Variants in SPATS1 observed in about 807,000 individuals in gnomAD.
SPATS1 encodes spermatogenesis associated serine rich 1, also known as spermatogenesis-associated serine-rich protein 1.
SPATS1 carries 23 observed loss-of-function variants against 33.6 expected under a neutral mutation model. The observed-to-expected ratio is 0.68, with a 90% CI of 0.49 to 0.97. The LOEUF is 0.97. SPATS1 is among the 50% of genes least tolerant of loss of function. The pLI, the probability that SPATS1 is intolerant of heterozygous loss-of-function variation, is 0.00. For synonymous variants in SPATS1, 131 were observed against 125.6 expected (o/e 1.04, Z -0.29); for missense variants, 327 against 361.0 (o/e 0.91, Z 0.76).
At chr6:44,369,825 T>C (rs1194603508) in intron 6 of SPATS1, among the ~76,000 whole-genome samples, 2 of 152,044 alleles carry the variant, frequency 1.3e-5, no homozygotes, top group Non-Finnish European at 2.9e-5. Flanking sequence ...TGAGCTGAGA[T>C]TGTGCCACTG....
Position 44,378,085 on chromosome 6 carries a change from C to T in SPATS1, c.*1022C>T, listed in dbSNP as rs1790052530. On this transcript the variant is annotated 3_prime_UTR_variant, in exon 9 of 9. Transcript: ENST00000674044. ...TATACCAGGTAAGTAATACTATTGC[C>T]CTGTAGCTGCATTCCCCAGTTTAGT... is the stretch of plus-strand genomic sequence containing the variant. The T allele has an allele frequency of 1.3e-5, 2 of 152,128 alleles. No individual in the cohort carries two copies. The highest frequency in any genetic ancestry group is 4.1e-4 in the South Asian group (2 of 4,828). The allele number at this position is 152,128 out of a possible 1,614,324, so 9.4% of individuals were successfully genotyped here. A position where few individuals can be genotyped will look rare whatever the true frequency, so the allele number is the denominator to read the frequency against.
At position 44,370,835 on chromosome 6, in the gene SPATS1, T is replaced by C. The variant is rs138946626; in HGVS notation, c.758+722T>C. On this transcript the variant is annotated intron_variant, in intron 7 of 8. Transcript: ENST00000674044. ...ACTTTACATTTTTAATAAACACTAT[T>C]CTAGAATATTCCAAATAATAGCAAT... Among the ~76,000 whole-genome samples, 105 of 152,326 alleles carry C rather than the reference T, an allele frequency of 6.9e-4. No individual in the cohort carries two copies. The Middle Eastern group carries it at 0.01, about 15-fold the overall frequency.
intron 2 of SPATS1, among the ~76,000 whole-genome samples, chr6:44,346,124 TACA>T (rs1787865781): frequency 6.6e-6 from 1 of 151,706 alleles, no homozygotes; most frequent in Non-Finnish European, 1.5e-5. Flanking sequence ...CTACAAAAAA[TACA>T]ACAACAACAA....
chr6:44,350,032 C>T (rs553139998), intron 2 of SPATS1, among the ~76,000 whole-genome samples: 135 of 152,326 alleles, frequency 8.9e-4, no homozygotes, highest in Non-Finnish European at 1.6e-3. Flanking sequence ...CTGGGCTTGA[C>T]TCCATCCCAG....
intron 3 of SPATS1, among the ~76,000 whole-genome samples, chr6:44,353,552 A>T (rs1788371833): frequency 6.6e-6 from 1 of 152,122 alleles, no homozygotes; most frequent in South Asian, 2.1e-4. Flanking sequence ...GGCCGGGCTA[A>T]CGTTTTGTTT....
At chr6:44,342,844 A>G (rs561003417) in intron 1 of SPATS1, 76 bp downstream of exon 1, 36 of 1,209,958 alleles carry the variant, frequency 3.0e-5, no homozygotes, top group Middle Eastern at 2.0e-4. Flanking sequence ...GTGGAAAAGA[A>G]GGAGCACCTT....
intron 3 of SPATS1, among the ~76,000 whole-genome samples, chr6:44,354,037 C>CA (rs34531075): frequency 0.12 from 12,286 of 98,956 alleles, 1,159 homozygotes; most frequent in East Asian, 0.27. Flanking sequence ...GACTTCGCCT[C>CA]AAAAAAAAAA....
At chr6:44,346,519 G>T (rs1271377128) in intron 2 of SPATS1, among the ~76,000 whole-genome samples, 1 of 151,876 alleles carries the variant, frequency 6.6e-6, no homozygotes, top group African/African-American at 2.4e-5. Context: ...AAGTAGCTGG[G>T]ACCACAGGTG....
chr6:44,350,046 C>T (rs1788143282), intron 2 of SPATS1, among the ~76,000 whole-genome samples: 2 of 152,180 alleles, frequency 1.3e-5, no homozygotes, highest in Admixed American at 1.3e-4. Flanking sequence ...ATCCCAGTTA[C>T]ACCTCAAGCA....
intron 5 of SPATS1, among the ~76,000 whole-genome samples, chr6:44,366,894 T>C (rs1789281966): frequency 6.6e-6 from 1 of 152,148 alleles, no homozygotes; most frequent in Admixed American, 6.6e-5. Flanking sequence ...AGTTTATAAA[T>C]GAGGTTAAAA....
intron 5 of SPATS1, among the ~76,000 whole-genome samples, chr6:44,366,089 T>C (rs1210512577): frequency 6.6e-6 from 1 of 151,326 alleles, no homozygotes; most frequent in East Asian, 1.9e-4. Flanking sequence ...TGACATTATC[T>C]TGTGATATCT....
At chr6:44,354,294 G>A (rs1057240241) in intron 3 of SPATS1, among the ~76,000 whole-genome samples, 11 of 147,626 alleles carry the variant, frequency 7.5e-5, no homozygotes, top group African/African-American at 1.0e-4. Context: ...TGATCGAGCC[G>A]TTGCACTCCA....
At chr6:44,360,704 C>T (rs1285612796) in intron 4 of SPATS1, 134 bp downstream of exon 4, 43 of 1,106,454 alleles carry the variant, frequency 3.9e-5, no homozygotes, top group Non-Finnish European at 5.1e-5. Context: ...ATTCACAAAA[C>T]CTCTGCCAGG....
At chr6:44,349,738 A>G (rs1475606154) in intron 2 of SPATS1, among the ~76,000 whole-genome samples, 1 of 152,222 alleles carries the variant, frequency 6.6e-6, no homozygotes, top group African/African-American at 2.4e-5. Context: ...ACAAGTTTTG[A>G]TATATAGTAC....
rs1788308645 is a variant in SPATS1 at position 44,352,635 on chromosome 6, GT to G, written c.140-87del. On this transcript the variant is annotated intron_variant, in intron 2 of 8. Coordinates refer to ENST00000674044, the MANE Select transcript of SPATS1 (RefSeq NM_001372081.1). ...AGTAAATGTTCAATAAATGTTAGCT[GT>G]TTTAAAAATTTATTTATAATCTAGG... 4.2e-6 allele frequency: 5 copies of G among 1,199,978 alleles called. No individual in the cohort carries two copies. The South Asian group carries it at 6.7e-5, about 16-fold the overall frequency. 74.3% of individuals were successfully genotyped at this position (1,199,978 alleles called of 1,614,324 possible).
In SPATS1 at chr6:44,368,435, T is replaced by C. The variant is rs922543461; in HGVS notation, c.631T>C (p.Tyr211His). The C allele has an allele frequency of 1.7e-5, 28 of 1,613,490 alleles. No homozygotes were observed. Among genetic ancestry groups the C allele is most frequent in the African/African-American group, 5.3e-5 (4 of 74,924 alleles). The change falls in exon 6 of 9, where the codon TAC (tyrosine) becomes CAC (histidine). Residue 211 changes from tyrosine (Y) to histidine (H), a missense_variant. Tyr to His is a moderately conservative substitution (Grantham distance 83). Transcript: ENST00000674044. ...KLTPGDNPYM[Y>H]PEQSKGFHKA... ...AACTCCAGGCGACAATCCATATATGTACCCAGAACAGAGTAAAGGCTTCCA... is the reference window on the plus strand; with the variant it reads ...AACTCCAGGCGACAATCCATATATGCACCCAGAACAGAGTAAAGGCTTCCA...
At chr6:44,358,582 A>G (rs4711780) in intron 3 of SPATS1, among the ~76,000 whole-genome samples, 102,614 of 152,112 alleles carry the variant, frequency 0.67, 36,294 homozygotes, top group Non-Finnish European at 0.77. Context: ...AAAGTCACCC[A>G]CTTAAACTGT....
At chr6:44,357,306 C>G (rs988941471) in intron 3 of SPATS1, among the ~76,000 whole-genome samples, 2 of 152,176 alleles carry the variant, frequency 1.3e-5, no homozygotes, top group Non-Finnish European at 2.9e-5. Context: ...CACTGACTTT[C>G]CAGTGGCGTC....
intron 3 of SPATS1, among the ~76,000 whole-genome samples, chr6:44,354,035 C>CT (rs1788406520): frequency 1.9e-5 from 1 of 52,064 alleles, no homozygotes. Context: ...GAGACTTCGC[C>CT]TCAAAAAAAA....
Sources: gnomAD v4.1 joint callset for allele counts (sites outside exome capture counted in the v4.1 genomes callset) on GRCh38, gnomAD v4.1.1 for gene constraint, MANE v1.5 for transcripts, NCBI Gene and HGNC (gene_info 2026-07-23, HGNC 2026-07-21) for gene names.